C6: variants seen among roughly 807,000 people sequenced by gnomAD.
The protein encoded by C6 is complement C6.
C6 carries 101 observed loss-of-function variants against 112.9 expected under a neutral mutation model. The ratio of observed to expected loss-of-function variants is 0.89; its 90% CI spans 0.76 to 1.06. C6 has a LOEUF of 1.06. Among genes scored for constraint, C6 ranks in the 50% least tolerant of loss-of-function variants. The pLI, the probability that C6 is intolerant of heterozygous loss-of-function variation, is 0.00. For synonymous variants in C6, 431 were observed against 384.1 expected (o/e 1.12, Z -1.43); for missense variants, 1,202 against 1,104.6 (o/e 1.09, Z -1.25).
At chr5:41,164,005 G>T (rs1211011903) in intron 9 of C6, among the ~76,000 whole-genome samples, 1 of 151,484 alleles carries the variant, frequency 6.6e-6, no homozygotes, top group African/African-American at 2.4e-5. Flanking sequence ...AAAATATCGT[G>T]TTAAGAACTC....
At chr5:41,248,144 T>C (rs1039581820) in intron 1 of C6, among the ~76,000 whole-genome samples, 4 of 151,826 alleles carry the variant, frequency 2.6e-5, no homozygotes, top group African/African-American at 4.8e-5. Context: ...GCTGGACCTG[T>C]ATCTTTCACC....
upstream of C6, chr5:41,213,579 A>G: frequency 3.0e-6 from 3 of 984,986 alleles, no homozygotes; most frequent in Non-Finnish European, 2.4e-6. Flanking sequence ...TGGAACTTGA[A>G]CTTTGCAAAT....
At chr5:41,236,490 G>A (rs1027930208) in intron 1 of C6, among the ~76,000 whole-genome samples, 2 of 146,038 alleles carry the variant, frequency 1.4e-5, no homozygotes, top group Admixed American at 1.4e-4. Flanking sequence ...GGTACATAAC[G>A]AAATGAAGGC....
chr5:41,228,172 A>C (rs1382148935), intron 1 of C6, among the ~76,000 whole-genome samples: 1 of 152,022 alleles, frequency 6.6e-6, no homozygotes. Context: ...TTCAGTATAC[A>C]GCTCTTTTAC....
rs966307410 is a variant in C6, at chr5:41,259,599, T to C, written c.-21+1595A>G. On this transcript the variant is annotated intron_variant, in intron 1 of 17. Transcript: ENST00000263413. Reference sequence around the variant, plus strand: ...CAAGACTTAAACTGTTTTCAGCACATTACCACCTTAAAAAAATCAATAAAC... The same window carrying C: ...CAAGACTTAAACTGTTTTCAGCACACTACCACCTTAAAAAAATCAATAAAC... 1.3e-4 allele frequency among the ~76,000 whole-genome samples: 20 copies of C among 152,126 alleles called. 2 individuals are homozygous for C. The South Asian group carries it at 4.2e-3, about 32-fold the overall frequency.
chr5:41,179,412 T>C (rs188324519), intron 7 of C6, among the ~76,000 whole-genome samples: 86 of 152,190 alleles, frequency 5.7e-4, no homozygotes, highest in African/African-American at 2.0e-3. Flanking sequence ...CCCTTCATCA[T>C]TGACTATGTT....
intron 3 of C6, 95 bp from the exon 4 acceptor site, chr5:41,200,007 T>C: frequency 9.3e-7 from 1 of 1,075,002 alleles, no homozygotes; most frequent in Admixed American, 1.8e-5. Flanking sequence ...ACAGTGATTT[T>C]TCCTATGGTA....
intron 15 of C6, among the ~76,000 whole-genome samples, chr5:41,152,016 AAAAG>A (rs1406585398): frequency 3.3e-5 from 5 of 152,068 alleles, no homozygotes; most frequent in Admixed American, 3.3e-4. Context: ...TGGGAAAAAA[AAAAG>A]AAAGGAAGGA....
chr5:41,208,598 C>T (rs145785703), intron 1 of C6, among the ~76,000 whole-genome samples: 13,968 of 152,184 alleles, frequency 0.092, 741 homozygotes, highest in Admixed American at 0.17. Flanking sequence ...AACACCTCTA[C>T]ACAAATAAAC....
At position 41,236,997 on chromosome 5, in the gene C6, G is replaced by A. The variant is rs994596840; in HGVS notation, c.-21+24197C>T. 8.6e-5 allele frequency among the ~76,000 whole-genome samples: 13 copies of A among 151,692 alleles called. 1 individual carries two copies. In the South Asian group the frequency reaches 2.3e-3, roughly 27 times the overall value. Reference sequence around the variant, plus strand: ...TCTAGAAGAAGTGGATACATTCCTCGACACATACACTCTCCCAAGACTAAA... The same window carrying A: ...TCTAGAAGAAGTGGATACATTCCTCAACACATACACTCTCCCAAGACTAAA... On this transcript the variant is annotated intron_variant, in intron 1 of 17. Coordinates refer to the C6 transcript ENST00000263413.
intron 1 of C6, among the ~76,000 whole-genome samples, chr5:41,219,775 C>T (rs1386510935): frequency 6.6e-6 from 1 of 152,126 alleles, no homozygotes; most frequent in African/African-American, 2.4e-5. Context: ...ATAGAACAGG[C>T]CACTCTTTGA....
At chr5:41,199,506 T>C (rs1288517120) in intron 4 of C6, among the ~76,000 whole-genome samples, 1 of 152,186 alleles carries the variant, frequency 6.6e-6, no homozygotes, top group African/African-American at 2.4e-5. Flanking sequence ...ATTAAAAATC[T>C]TTTAAAATAT....
At chr5:41,252,660 C>A (rs1741438937) in intron 1 of C6, among the ~76,000 whole-genome samples, 3 of 152,158 alleles carry the variant, frequency 2.0e-5, no homozygotes, top group Admixed American at 2.0e-4. Context: ...CTTCCCTTTC[C>A]AGGTCTTTTC....
chr5:41,197,741 G>C (rs999798821), intron 4 of C6, among the ~76,000 whole-genome samples: 3 of 152,072 alleles, frequency 2.0e-5, no homozygotes, highest in African/African-American at 7.2e-5. Context: ...GGGATGTTTA[G>C]GAATAGGCCT....
chr5:41,186,347 C>CTTT, intron 5 of C6, 139 bp from the exon 6 acceptor site: 3 of 815,154 alleles, frequency 3.7e-6, no homozygotes, highest in Non-Finnish European at 5.8e-6. Flanking sequence ...CACACCTCCG[C>CTTT]TTTTTTTTCC....
In C6 at chr5:41,199,760, T is replaced by C. The variant is rs1275324551; in HGVS notation, c.445+8A>G. 1 of 1,613,486 alleles carries C rather than the reference T, an allele frequency of 6.2e-7. No individual in the cohort carries two copies. The highest frequency in any genetic ancestry group is 8.5e-7 in the Non-Finnish European group (1 of 1,179,500). On this transcript the variant is annotated splice_region_variant and intron_variant, in intron 4 of 17. Coordinates refer to ENST00000337836, the MANE Select transcript of C6 (RefSeq NM_000065.5). ...GTGGGGACTGAACATTTCACAAAAA[T>C]ACATTACCACTGTCACAGCGAAATT...
At chr5:41,191,664 A>G (rs1750224982) in intron 5 of C6, among the ~76,000 whole-genome samples, 2 of 151,990 alleles carry the variant, frequency 1.3e-5, no homozygotes, top group South Asian at 4.2e-4. Flanking sequence ...ATTTTTTTGT[A>G]GCTCTTATAG....
At chr5:41,227,776 C>T (rs1349296211) in intron 1 of C6, among the ~76,000 whole-genome samples, 1 of 151,984 alleles carries the variant, frequency 6.6e-6, no homozygotes, top group African/African-American at 2.4e-5. Context: ...ATCAATTGAC[C>T]TCAAATATGT....
chr5:41,221,557 A>G (rs1739166617), intron 1 of C6, among the ~76,000 whole-genome samples: 1 of 152,128 alleles, frequency 6.6e-6, no homozygotes, highest in African/African-American at 2.4e-5. Flanking sequence ...TCTTTCCTTA[A>G]TAGATTGCTA....
Sources: gnomAD v4.1 joint callset for allele counts (sites outside exome capture counted in the v4.1 genomes callset) on GRCh38, gnomAD v4.1.1 for gene constraint, MANE v1.5 for transcripts, NCBI Gene and HGNC (gene_info 2026-07-23, HGNC 2026-07-21) for gene names.